Variants in CCDC73 observed in about 807,000 individuals in gnomAD.
CCDC73 encodes the protein coiled-coil domain-containing protein 73.
CCDC73 carries 95 observed loss-of-function variants against 116.5 expected under a neutral mutation model. The observed-to-expected ratio is 0.82, with a 90% CI of 0.69 to 0.97. The LOEUF is 0.97. Ranked by LOEUF, CCDC73 falls within the 50% of genes least tolerant of loss-of-function variation. The pLI, the probability that CCDC73 is intolerant of heterozygous loss-of-function variation, is 0.00. For missense variants in CCDC73, 1,066 were observed against 1,206.8 expected, an observed-to-expected ratio of 0.88 and a Z score of 1.73; for synonymous variants, 398 against 401.3, an observed-to-expected ratio of 0.99 and a Z score of 0.10.
At chr11:32,786,868 T>G (rs1357097596) in intron 1 of CCDC73, among the ~76,000 whole-genome samples, 1 of 152,166 alleles carries the variant, frequency 6.6e-6, no homozygotes, top group Admixed American at 6.5e-5. Context: ...GTAGATAGTC[T>G]CTTGTCTTCT....
chr11:32,697,880 G>A (rs1419857770), intron 6 of CCDC73, among the ~76,000 whole-genome samples: 1 of 151,770 alleles, frequency 6.6e-6, no homozygotes, highest in African/African-American at 2.4e-5. Context: ...ACGGGGGTTG[G>A]TTGTACAGAT....
chr11:32,746,502 A>T (rs1208040728), intron 2 of CCDC73, among the ~76,000 whole-genome samples: 2 of 152,168 alleles, frequency 1.3e-5, no homozygotes, highest in African/African-American at 4.8e-5. Flanking sequence ...GTTCTCCAGG[A>T]TAATATCCTG....
intron 9 of CCDC73, among the ~76,000 whole-genome samples, chr11:32,664,093 TGAG>T (rs1267684951): frequency 6.6e-6 from 1 of 152,250 alleles, no homozygotes; most frequent in Non-Finnish European, 1.5e-5. Flanking sequence ...ACTATTTTAT[TGAG>T]GATTTTTGCA....
intron 2 of CCDC73, among the ~76,000 whole-genome samples, chr11:32,743,919 C>T (rs375512202): frequency 6.6e-6 from 1 of 152,166 alleles, no homozygotes; most frequent in African/African-American, 2.4e-5. Context: ...TGCCTGACTG[C>T]CGTGGCCAGA....
intron 2 of CCDC73, among the ~76,000 whole-genome samples, chr11:32,720,638 C>A (rs935743791): frequency 1.9e-4 from 29 of 152,038 alleles, no homozygotes; most frequent in African/African-American, 7.0e-4. Flanking sequence ...ACAAAAAAAA[C>A]TCCCAAAAAT....
chr11:32,677,207 G>C (rs1443064949), intron 7 of CCDC73, among the ~76,000 whole-genome samples: 1 of 152,098 alleles, frequency 6.6e-6, no homozygotes. Flanking sequence ...AGTTTTAATA[G>C]TAAAAATTTG....
intron 6 of CCDC73, among the ~76,000 whole-genome samples, chr11:32,698,093 C>G (rs1221557735): frequency 2.1e-5 from 3 of 144,346 alleles, no homozygotes; most frequent in African/African-American, 7.8e-5. Context: ...GGTGATATCT[C>G]AGCTCACTGC....
intron 2 of CCDC73, among the ~76,000 whole-genome samples, chr11:32,740,395 T>C (rs943513777): frequency 6.6e-6 from 1 of 152,112 alleles, no homozygotes; most frequent in African/African-American, 2.4e-5. Flanking sequence ...TCTTCAGGTT[T>C]TGGATTTCTT....
At chr11:32,799,012 C>T (rs1010630650), upstream of CCDC73, among the ~76,000 whole-genome samples, 1 of 151,400 alleles carries the variant, frequency 6.6e-6, no homozygotes, top group African/African-American at 2.4e-5. Context: ...TGGTCTCAAG[C>T]GATCCTCCCT....
intron 1 of CCDC73, among the ~76,000 whole-genome samples, chr11:32,778,676 G>C (rs1433008021): frequency 1.3e-5 from 2 of 152,070 alleles, no homozygotes; most frequent in Non-Finnish European, 2.9e-5. Context: ...GCCAGACATG[G>C]TGGCAGGCGC....
rs559921226 is a variant in CCDC73, at chr11:32,755,639, A to G, written c.135+4470T>C. Among the ~76,000 whole-genome samples, 19 of 95,352 alleles carry G rather than the reference A, an allele frequency of 2.0e-4. No homozygotes were observed. The East Asian group carries it at 5.4e-3, about 27-fold the overall frequency. The allele number at this position is 95,352 out of a possible 152,430, so 62.6% of individuals were successfully genotyped here. A position where few individuals can be genotyped will look rare whatever the true frequency, so the allele number is the denominator to read the frequency against. ...TGTGTATATATATATCTCCATATAT[A>G]TGTGTATATATATATCTCCATATAT... is the stretch of plus-strand genomic sequence containing the variant. On this transcript the variant is annotated intron_variant, in intron 2 of 17. Transcript: ENST00000335185.
intron 2 of CCDC73, among the ~76,000 whole-genome samples, chr11:32,732,792 T>C (rs1469397267): frequency 6.6e-6 from 1 of 152,016 alleles, no homozygotes; most frequent in Non-Finnish European, 1.5e-5. Flanking sequence ...AAGGAACAAC[T>C]AGTACCAGCC....
chr11:32,757,082 T>C (rs980838066), intron 2 of CCDC73, among the ~76,000 whole-genome samples: 2 of 152,030 alleles, frequency 1.3e-5, no homozygotes, highest in African/African-American at 4.8e-5. Context: ...CAAACTATGG[T>C]ACATTTATAT....
chr11:32,614,825 C>T lies in CCDC73; in HGVS notation c.1493G>A (p.Ser498Asn). 1 of 1,613,148 alleles carries T rather than the reference C, an allele frequency of 6.2e-7. No individual in the cohort carries two copies. ...CGTAACATTCGAGGTTTGTCCTTGACTAATTACTTCTTTATCTAAGGAGAG... is the reference window on the plus strand; with the variant it reads ...CGTAACATTCGAGGTTTGTCCTTGATTAATTACTTCTTTATCTAAGGAGAG... ...KTLSLDKEVI[S>N]QGQTSNVTDN... The change falls in exon 16 of 18, where the codon AGT becomes AAT. Residue 498 changes from serine to asparagine, a missense_variant. By Grantham distance (46) the Ser-to-Asn change is conservative. Transcript: ENST00000335185.
Position 32,631,462 on chromosome 11 carries a change from A to G in CCDC73, c.1185+4234T>C, listed in dbSNP as rs116481489. Among the ~76,000 whole-genome samples, 1,032 of 152,336 alleles carry G rather than the reference A, an allele frequency of 6.8e-3. 15 individuals carry two copies. Among genetic ancestry groups the G allele is most frequent in the African/African-American group, 0.024 (992 of 41,576 alleles). On this transcript the variant is annotated intron_variant, in intron 14 of 17. Coordinates refer to ENST00000335185, the MANE Select transcript of CCDC73 (RefSeq NM_001008391.4). ...TTGGAATTTTCTCAAATGTTTGGAA[A>G]TTAAACAACATATTTCCAATGGGTG...
At chr11:32,743,517 G>A (rs530014748) in intron 2 of CCDC73, among the ~76,000 whole-genome samples, 1 of 119,340 alleles carries the variant, frequency 8.4e-6, no homozygotes, top group Non-Finnish European at 1.8e-5. Flanking sequence ...GAATCTCTGG[G>A]ACACATTTAA....
At chr11:32,640,792 C>T (rs1053228210) in intron 13 of CCDC73, among the ~76,000 whole-genome samples, 7 of 152,040 alleles carry the variant, frequency 4.6e-5, no homozygotes, top group Admixed American at 3.9e-4. Flanking sequence ...CTAAGGCAGG[C>T]GGATCGCAAG....
At chr11:32,685,266 CAAAAAAA>C (rs35408326) in intron 6 of CCDC73, among the ~76,000 whole-genome samples, 2 of 93,472 alleles carry the variant, frequency 2.1e-5, no homozygotes, top group South Asian at 4.0e-4. Flanking sequence ...AACACTGGAC[CAAAAAAA>C]AAAAAAAAAA....
intron 6 of CCDC73, 35 bp from the exon 7 acceptor site, chr11:32,683,609 A>G: frequency 5.6e-6 from 7 of 1,247,254 alleles, no homozygotes; most frequent in Non-Finnish European, 8.1e-6. Flanking sequence ...TCATTAAAAT[A>G]CTTTAATTAT....
Sources: gnomAD v4.1 joint callset for allele counts (sites outside exome capture counted in the v4.1 genomes callset) on GRCh38, gnomAD v4.1.1 for gene constraint, MANE v1.5 for transcripts, NCBI Gene and HGNC (gene_info 2026-07-23, HGNC 2026-07-21) for gene names.